The following EYS variants were observed in gnomAD, a reference collection of about 807,000 sequenced individuals.
EYS encodes the protein protein eyes shut homolog.
EYS carries 250 observed loss-of-function variants against 282.1 expected under a neutral mutation model. That is an observed-to-expected ratio of 0.89 (90% CI 0.80 to 0.98). The LOEUF (loss-of-function observed/expected upper bound fraction) is 0.98. Among genes scored for constraint, EYS ranks in the 50% least tolerant of loss-of-function variants. The pLI, the probability that EYS is intolerant of heterozygous loss-of-function variation, is 0.00. For missense variants in EYS, 4,016 were observed against 3,709.0 expected, an observed-to-expected ratio of 1.08 and a Z score of -2.15; for synonymous variants, 1,355 against 1,282.9, an observed-to-expected ratio of 1.06 and a Z score of -1.20.
chr6:65,134,759 G>T (rs982892183), intron 12 of EYS, among the ~76,000 whole-genome samples: 1 of 151,894 alleles, frequency 6.6e-6, no homozygotes, highest in Non-Finnish European at 1.5e-5. Context: ...TAAAAAGAGA[G>T]GGAAAGATCA....
At chr6:63,885,043 TG>T (rs1226491868) in intron 35 of EYS, among the ~76,000 whole-genome samples, 2 of 152,296 alleles carry the variant, frequency 1.3e-5, no homozygotes, top group East Asian at 3.9e-4. Flanking sequence ...CTAAATTACA[TG>T]GCAAAATTAA....
chr6:63,738,957 C>G (rs541809748), intron 41 of EYS, among the ~76,000 whole-genome samples: 3 of 152,174 alleles, frequency 2.0e-5, no homozygotes, highest in African/African-American at 7.2e-5. Context: ...TATCTACTTA[C>G]ATCATTCGTG....
chr6:64,263,046 T>C (rs1393858120), intron 30 of EYS, among the ~76,000 whole-genome samples: 2 of 142,160 alleles, frequency 1.4e-5, no homozygotes, highest in Non-Finnish European at 3.1e-5. Flanking sequence ...TCATGACCTC[T>C]CCTTGCCTCA....
chr6:65,224,895 A>G (rs1204519044), intron 12 of EYS, among the ~76,000 whole-genome samples: 4 of 152,286 alleles, frequency 2.6e-5, no homozygotes, highest in East Asian at 1.9e-4. Context: ...CGGACTTACC[A>G]TAGGTAAAGT....
intron 35 of EYS, among the ~76,000 whole-genome samples, chr6:63,912,650 C>G (rs2149738698): frequency 6.6e-6 from 1 of 152,184 alleles, no homozygotes; most frequent in South Asian, 2.1e-4. Flanking sequence ...GGAGGGGGGC[C>G]TGGTGGAGGT....
rs779055763 is a variant in EYS at position 64,066,337 on chromosome 6, C to A, written c.6725+1G>T. ...GAACTACCGTGGAGTACAGTACTTA[C>A]CGTATTGTGATAGGGGTGAATGCAT... On this transcript the variant is annotated splice_donor_variant, in intron 33 of 42. Transcript: ENST00000503581. LOFTEE classifies it high-confidence loss of function. The A allele has an allele frequency of 6.5e-7, 1 of 1,548,660 alleles. No homozygotes were observed. The highest frequency in any genetic ancestry group is 1.2e-5 in the South Asian group (1 of 83,278).
At chr6:64,230,968 AT>A (rs1397986319) in intron 30 of EYS, 144 bp from the exon 31 acceptor site, 18 of 511,290 alleles carry the variant, frequency 3.5e-5, no homozygotes, top group Non-Finnish European at 5.9e-5. Context: ...TAAAATTATC[AT>A]GTTTGTTTCA....
intron 1 of EYS, among the ~76,000 whole-genome samples, chr6:65,691,485 C>G (rs1441606164): frequency 1.4e-5 from 2 of 143,076 alleles, no homozygotes; most frequent in Non-Finnish European, 3.1e-5. Context: ...GATATTAGCC[C>G]TTTGTCAGAT....
At chr6:64,610,342 G>T (rs1767071709) in intron 24 of EYS, among the ~76,000 whole-genome samples, 1 of 151,514 alleles carries the variant, frequency 6.6e-6, no homozygotes, top group Non-Finnish European at 1.5e-5. Flanking sequence ...ATCTACATAG[G>T]TCTATGAGGT....
chr6:65,637,799 C>A (rs1440237068), intron 2 of EYS, among the ~76,000 whole-genome samples: 1 of 152,188 alleles, frequency 6.6e-6, no homozygotes, highest in Non-Finnish European at 1.5e-5. Context: ...CACCAACAAG[C>A]ACAGGAGGGA....
chr6:64,970,147 CAA>C (rs201796344), intron 14 of EYS, among the ~76,000 whole-genome samples: 8 of 138,442 alleles, frequency 5.8e-5, no homozygotes, highest in African/African-American at 1.3e-4. Context: ...CCTAGAAATA[CAA>C]AAAAAAAAAG....
At chr6:63,878,061 T>C (rs886484629) in intron 35 of EYS, among the ~76,000 whole-genome samples, 1 of 152,240 alleles carries the variant, frequency 6.6e-6, no homozygotes, top group African/African-American at 2.4e-5. Flanking sequence ...CTCTGACTTT[T>C]AGAATTTTCA....
At chr6:65,553,697 C>G (rs1434328764) in intron 2 of EYS, among the ~76,000 whole-genome samples, 1 of 151,698 alleles carries the variant, frequency 6.6e-6, no homozygotes, top group African/African-American at 2.4e-5. Context: ...CCTTAATAAT[C>G]TTTTATAAAA....
At chr6:63,900,654 T>C (rs759482773) in intron 35 of EYS, among the ~76,000 whole-genome samples, 1 of 151,802 alleles carries the variant, frequency 6.6e-6, no homozygotes, top group Non-Finnish European at 1.5e-5. Context: ...ATGTAAAGTT[T>C]AATGTGCTTC....
intron 39 of EYS, among the ~76,000 whole-genome samples, chr6:63,779,884 C>T (rs1770168435): frequency 6.6e-6 from 1 of 152,088 alleles, no homozygotes; most frequent in Non-Finnish European, 1.5e-5. Context: ...CCTCCTGATG[C>T]TATCCCTCCG....
intron 12 of EYS, among the ~76,000 whole-genome samples, chr6:65,107,350 G>A (rs1775069506): frequency 6.7e-6 from 1 of 149,146 alleles, no homozygotes; most frequent in South Asian, 2.1e-4. Flanking sequence ...AGCTTTCCTC[G>A]AGGACTATTT....
intron 31 of EYS, among the ~76,000 whole-genome samples, chr6:64,155,161 G>T (rs571866136): frequency 6.6e-6 from 1 of 152,164 alleles, no homozygotes; most frequent in African/African-American, 2.4e-5. Context: ...ATTTTGCCTT[G>T]GGCTAGCCCT....
At chr6:64,401,137 A>G (rs1442605966) in intron 28 of EYS, among the ~76,000 whole-genome samples, 2 of 152,114 alleles carry the variant, frequency 1.3e-5, no homozygotes, top group African/African-American at 4.8e-5. Context: ...GATAGATGAA[A>G]TAGGCAAATT....
At chr6:63,955,008 C>T (rs1449335695) in intron 35 of EYS, among the ~76,000 whole-genome samples, 3 of 152,130 alleles carry the variant, frequency 2.0e-5, no homozygotes, top group Admixed American at 6.5e-5. Flanking sequence ...TGGGGATTTG[C>T]CCCTGTGAAG....
Sources: gnomAD v4.1 joint callset for allele counts (sites outside exome capture counted in the v4.1 genomes callset) on GRCh38, gnomAD v4.1.1 for gene constraint, MANE v1.5 for transcripts, NCBI Gene and HGNC (gene_info 2026-07-23, HGNC 2026-07-21) for gene names.